LOXHD1: variants seen among roughly 807,000 people sequenced by gnomAD.
LOXHD1 encodes the protein lipoxygenase homology domain-containing protein 1.
A neutral mutation model predicts 248.2 loss-of-function variants in LOXHD1; 205 were observed. The observed-to-expected ratio is 0.83, with a 90% CI of 0.74 to 0.93. The LOEUF (loss-of-function observed/expected upper bound fraction) is 0.93. Ranked by LOEUF, LOXHD1 falls within the 40% of genes least tolerant of loss-of-function variation. The probability of loss-of-function intolerance (pLI) is 0.00; values close to 1 mark genes in which losing one functional copy is unlikely to be tolerated. For synonymous variants in LOXHD1, 1,113 were observed against 1,162.8 expected (o/e 0.96, Z 0.87); for missense variants, 2,930 against 2,971.6 (o/e 0.99, Z 0.33).
At chr18:46,591,542 C>G (rs148009241) in intron 12 of LOXHD1, among the ~76,000 whole-genome samples, 70 of 152,326 alleles carry the variant, frequency 4.6e-4, no homozygotes, top group African/African-American at 1.6e-3. Context: ...AGGTAGCAGC[C>G]AACTGGGGCT....
In LOXHD1 at chr18:46,541,908, C is replaced by A. The variant is rs2144361735; in HGVS notation, c.3781G>T (p.Glu1261Ter). 1.3e-6 allele frequency: 2 copies of A among 1,551,726 alleles called. No individual in the cohort carries two copies. Among genetic ancestry groups the A allele is most frequent in the Non-Finnish European group, 1.7e-6 (2 of 1,146,996 alleles). ...KAPGWFVDWV[E>*]VDAPSLGKCM... ...TTCCCAAGAGATGGGGCATCCACCT[C>A]TACCCAGTCTACAAACCAGCCTGGG... is the stretch of plus-strand genomic sequence containing the variant. Residue 1261 changes from glutamate (E) to a stop codon, truncating the protein, a stop_gained, in exon 25 of 41, where the codon GAG becomes TAG. Transcript: ENST00000642948. LOFTEE classifies it high-confidence loss of function.
Position 46,524,564 on chromosome 18 carries a change from G to A in LOXHD1, c.4778C>T (p.Pro1593Leu), listed in dbSNP as rs1455203803. The A allele has an allele frequency of 1.9e-6, 3 of 1,551,606 alleles. No homozygotes were observed. The highest frequency in any genetic ancestry group is 2.7e-5 in the African/African-American group (2 of 73,046). Residue 1593 changes from proline (P) to leucine (L), a missense_variant, in exon 31 of 41, where the codon CCT becomes CTT. Transcript: ENST00000642948. ...CAGGGCGATCTCCCAGAAGTCAGCA[G>A]GGCTGCTGCAGTTGCTGCTGCGGTC... is the stretch of plus-strand genomic sequence containing the variant. ...TGDRSSNCSS[P>L]ADFWEIALSS...
intron 4 of LOXHD1, among the ~76,000 whole-genome samples, chr18:46,627,852 T>C (rs1389407432): frequency 6.6e-6 from 1 of 152,230 alleles, no homozygotes; most frequent in Non-Finnish European, 1.5e-5. Flanking sequence ...ATGCTCCCAT[T>C]GGCCTGGGCG....
chr18:46,527,424 C>T (rs547188701), intron 29 of LOXHD1, among the ~76,000 whole-genome samples: 3 of 152,364 alleles, frequency 2.0e-5, no homozygotes, highest in South Asian at 4.1e-4. Flanking sequence ...GCCTGCCAGA[C>T]ATGGTTCTAG....
At chr18:46,533,751 C>A (rs1184020292) in intron 27 of LOXHD1, 1 of 317,766 alleles carries the variant, frequency 3.1e-6, no homozygotes, top group Non-Finnish European at 6.3e-6. Context: ...TGGTGAAACC[C>A]CATCTCTACT....
chr18:46,518,178 C>T lies in LOXHD1; in HGVS notation c.5350G>A (p.Gly1784Ser), dbSNP rs971033963. Residue 1784 changes from glycine to serine, a missense_variant, in exon 34 of 41, where the codon GGC (glycine) becomes AGC (serine). Transcript: ENST00000642948. The part of the protein sequence containing the change: ...TDSNIFMTLY[G>S]INGSTEEMQL... ...ATCTCCTCTGTGCTCCCGTTGATGC[C>T]GTAGAGGGTCATGAAGATGTTGGAG... 19 of 1,551,536 alleles carry T rather than the reference C, an allele frequency of 1.2e-5. No homozygotes were observed. Among genetic ancestry groups the T allele is most frequent in the Admixed American group, 2.0e-5 (1 of 50,980 alleles).
At chr18:46,588,093 G>A (rs1329493622) in intron 12 of LOXHD1, among the ~76,000 whole-genome samples, 3 of 152,010 alleles carry the variant, frequency 2.0e-5, no homozygotes, top group African/African-American at 4.8e-5. Flanking sequence ...ATTTCACACT[G>A]GTACCAGCTG....
intron 34 of LOXHD1, among the ~76,000 whole-genome samples, chr18:46,514,346 T>C (rs1418007229): frequency 1.3e-5 from 2 of 152,072 alleles, no homozygotes; most frequent in Non-Finnish European, 2.9e-5. Flanking sequence ...CAGCTTTCCT[T>C]CCTCTTCTCT....
chr18:46,605,375 A>C (rs965630140), intron 6 of LOXHD1, among the ~76,000 whole-genome samples: 18 of 151,852 alleles, frequency 1.2e-4, no homozygotes, highest in Non-Finnish European at 2.6e-4. Context: ...AAATACAAAA[A>C]AATTGGCCAG....
rs1373729275 is a variant in LOXHD1, at chr18:46,483,728, A to T, written c.6200T>A (p.Phe2067Tyr). ...RAFRKGTTDT[F>Y]EFDSIYLGDI... ...CCCCAAGTAGATGCTGTCAAACTCA[A>T]ACGTGTCTGTGGTCCCCCTGCAGGA... Residue 2067 changes from phenylalanine (F) to tyrosine (Y), a missense_variant, in exon 40 of 41, where the codon TTT (phenylalanine) becomes TAT (tyrosine). Transcript: ENST00000642948. 1 of 1,550,432 alleles carries T rather than the reference A, an allele frequency of 6.4e-7. No individual in the cohort carries two copies. Among genetic ancestry groups the T allele is most frequent in the East Asian group, 2.4e-5 (1 of 40,896 alleles).
chr18:46,480,533 G>C (rs986133230), intron 40 of LOXHD1, among the ~76,000 whole-genome samples: 1 of 150,396 alleles, frequency 6.6e-6, no homozygotes. Context: ...TAGATATAAG[G>C]AAATGTTTTC....
At chr18:46,655,701 G>A (rs949449274) in intron 1 of LOXHD1, among the ~76,000 whole-genome samples, 2 of 152,226 alleles carry the variant, frequency 1.3e-5, no homozygotes, top group Non-Finnish European at 2.9e-5. Context: ...CCTGATCTCA[G>A]CTGAGACTAC....
chr18:46,630,038 T>G (rs1039932600), intron 4 of LOXHD1, among the ~76,000 whole-genome samples: 10 of 152,216 alleles, frequency 6.6e-5, no homozygotes, highest in African/African-American at 2.4e-4. Context: ...GAAGATTACA[T>G]GCCCCCTAGA....
At chr18:46,574,289 G>C (rs1257297854) in intron 14 of LOXHD1, among the ~76,000 whole-genome samples, 1 of 151,764 alleles carries the variant, frequency 6.6e-6, no homozygotes, top group African/African-American at 2.4e-5. Context: ...AAACACTTCA[G>C]CCCAGTTTCA....
chr18:46,522,857 AGTTTCCCACCAACT>A (rs2035646848), intron 31 of LOXHD1, among the ~76,000 whole-genome samples: 1 of 152,202 alleles, frequency 6.6e-6, no homozygotes, highest in African/African-American at 2.4e-5. Context: ...ATAGAGTTGT[AGTTTCCCACCAACT>A]ATCCATTCTT....
chr18:46,506,163 G>A, intron 36 of LOXHD1, 140 bp from the exon 37 acceptor site: 1 of 773,846 alleles, frequency 1.3e-6, no homozygotes, highest in Non-Finnish European at 2.0e-6. Context: ...CCAGGGGTGA[G>A]GTTGGAAAGG....
rs140776419 is a variant in LOXHD1, at chr18:46,541,881, A to G, written c.3808T>C (p.Cys1270Arg). ...CAGCGGCCACAGGGAAACGTCATGC[A>G]CTTCCCAAGAGATGGGGCATCCACC... is the stretch of plus-strand genomic sequence containing the variant. ...VEVDAPSLGK[C>R]MTFPCGRWLA... Residue 1270 changes from cysteine (C) to arginine (R), a missense_variant, in exon 25 of 41, where the codon TGC becomes CGC. By Grantham distance (180) the Cys-to-Arg change is radical. Transcript: ENST00000642948. 74 of 1,551,712 alleles carry G rather than the reference A, an allele frequency of 4.8e-5. No homozygotes were observed. The East Asian group carries it at 1.0e-3, about 21-fold the overall frequency.
At chr18:46,531,206 C>T (rs566607432) in intron 28 of LOXHD1, among the ~76,000 whole-genome samples, 88 of 152,194 alleles carry the variant, frequency 5.8e-4, no homozygotes, top group African/African-American at 2.0e-3. Flanking sequence ...GGGGCAGAAA[C>T]CAGGGACCAG....
rs1322938131 is a variant in LOXHD1, at chr18:46,521,104, C to T, written c.5264G>A (p.Gly1755Glu). ...TCACAGTGCCCCCCCTACCTTCACC[C>T]CAATGTTCACCACCATGGCATCCAA... ...DLLDAMVVNI[G>E]VKVLYEMTVW... Residue 1755 changes from glycine (G) to glutamate (E), a missense_variant, in exon 33 of 41, where the codon GGG becomes GAG. By Grantham distance (98) the Gly-to-Glu change is moderately conservative. Transcript: ENST00000642948. The T allele has an allele frequency of 3.2e-6, 5 of 1,551,684 alleles. No individual in the cohort carries two copies. Among genetic ancestry groups the T allele is most frequent in the East Asian group, 4.9e-5 (2 of 40,924 alleles).
Sources: allele counts gnomAD v4.1 joint callset (sites outside exome capture counted in the v4.1 genomes callset), GRCh38; gene constraint gnomAD v4.1.1; transcripts MANE v1.5; gene names NCBI Gene and HGNC (gene_info 2026-07-23, HGNC 2026-07-21).